The following KIF13A variants were observed in gnomAD, a reference collection of about 807,000 sequenced individuals.
KIF13A encodes kinesin-like protein KIF13A.
A neutral mutation model predicts 212.2 loss-of-function variants in KIF13A; 79 were observed. The ratio of observed to expected loss-of-function variants is 0.37; its 90% CI spans 0.31 to 0.45. The LOEUF (loss-of-function observed/expected upper bound fraction) is 0.45, where lower values mean the gene tolerates loss of function less well. KIF13A is among the 20% of genes least tolerant of loss of function. The pLI, the probability that KIF13A is intolerant of heterozygous loss-of-function variation, is 1.00. For missense variants in KIF13A, 1,901 were observed against 2,209.0 expected (o/e 0.86, Z 2.79); for synonymous variants, 789 against 808.6 (o/e 0.98, Z 0.41).
At chr6:17,937,769 A>T (rs1406341295) in intron 2 of KIF13A, among the ~76,000 whole-genome samples, 1 of 136,116 alleles carries the variant, frequency 7.3e-6, no homozygotes, top group Non-Finnish European at 1.6e-5. Context: ...TGTTTTTTTG[A>T]GACGGAGTCT....
In KIF13A at chr6:17,947,063, A is replaced by T. The variant is rs1483404397; in HGVS notation, c.146+39991T>A. Among the ~76,000 whole-genome samples the T allele has an allele frequency of 6.6e-6, 1 of 152,236 alleles. No individual in the cohort carries two copies. The highest frequency in any genetic ancestry group is 2.4e-5 in the African/African-American group (1 of 41,472). On this transcript the variant is annotated intron_variant, in intron 2 of 38. Transcript: ENST00000259711. This position sits in a 1 kb window ranked among gnomAD's most constrained non-coding sequence, Gnocchi z 4.6. ...CAGATGAGCAAATAAAGTGTGACGA[A>T]AAGTTCAAAAAGTAGCATTCCATTT... is the stretch of plus-strand genomic sequence containing the variant.
At chr6:17,876,317 G>A (rs1770554179) in intron 3 of KIF13A, among the ~76,000 whole-genome samples, 1 of 152,026 alleles carries the variant, frequency 6.6e-6, no homozygotes. Flanking sequence ...GCCACAATAG[G>A]CCCTCCCAGC....
intron 17 of KIF13A, among the ~76,000 whole-genome samples, chr6:17,813,155 G>C (rs908037471): frequency 1.3e-5 from 2 of 152,122 alleles, no homozygotes; most frequent in African/African-American, 4.8e-5. Flanking sequence ...GATAACTTTT[G>C]TCTGTTTCTT....
chr6:17,884,190 C>T (rs1054745773), intron 3 of KIF13A, among the ~76,000 whole-genome samples: 2 of 152,196 alleles, frequency 1.3e-5, no homozygotes, highest in Non-Finnish European at 2.9e-5. Flanking sequence ...CCCTCTCTAA[C>T]ACACACTCAT....
chr6:17,794,385 C>T lies in KIF13A; in HGVS notation c.3086G>A (p.Arg1029His), dbSNP rs1039150543. The T allele has an allele frequency of 1.7e-5, 28 of 1,612,558 alleles. No homozygotes were observed. Among genetic ancestry groups the T allele is most frequent in the East Asian group, 2.2e-5 (1 of 44,840 alleles). ...AGGTTTCACCGTGACTTGTACTCTA[C>T]GGGAATGACCCTGAAGAGGGTGGGG... is the stretch of plus-strand genomic sequence containing the variant. ...GIFQLRQGHS[R>H]RVQVTVKPVQ... Residue 1029 changes from arginine to histidine, a missense_variant, in exon 25 of 39, where the codon CGT becomes CAT. Coordinates refer to ENST00000259711, the MANE Select transcript of KIF13A (RefSeq NM_022113.6). This position sits in a 1 kb window ranked among gnomAD's most constrained non-coding sequence, Gnocchi z 4.1.
intron 2 of KIF13A, among the ~76,000 whole-genome samples, chr6:17,929,559 C>T (rs1017379396): frequency 3.9e-5 from 6 of 152,118 alleles, no homozygotes; most frequent in Admixed American, 1.3e-4. Flanking sequence ...CGCCACCATG[C>T]CCGGCTAATT....
chr6:17,887,893 A>T (rs1171680259), intron 3 of KIF13A, among the ~76,000 whole-genome samples: 1 of 145,244 alleles, frequency 6.9e-6, no homozygotes, highest in Admixed American at 6.9e-5. Flanking sequence ...TTTAGTAGAG[A>T]TGGGGTTTTG....
At chr6:17,956,095 C>G (rs1014397615) in intron 2 of KIF13A, among the ~76,000 whole-genome samples, 4 of 152,158 alleles carry the variant, frequency 2.6e-5, no homozygotes, top group African/African-American at 9.7e-5. Flanking sequence ...CAGTGCCAGG[C>G]TCCGTTCTAA....
intron 4 of KIF13A, among the ~76,000 whole-genome samples, chr6:17,859,416 A>G (rs1045790620): frequency 6.6e-6 from 1 of 151,668 alleles, no homozygotes; most frequent in African/African-American, 2.4e-5. Context: ...CAGCCTGGCC[A>G]ACAAAGTGAG....
At chr6:17,782,632 C>CACAAAACAAA (rs1298463238) in intron 29 of KIF13A, among the ~76,000 whole-genome samples, 20 of 105,198 alleles carry the variant, frequency 1.9e-4, no homozygotes, top group South Asian at 1.5e-3. Context: ...GAGACTCTGT[C>CACAAAACAAA]TCAAAACAAA....
intron 12 of KIF13A, among the ~76,000 whole-genome samples, 185 bp downstream of exon 12, chr6:17,833,776 A>C (rs565678835): frequency 7.0e-5 from 10 of 142,792 alleles, no homozygotes; most frequent in Non-Finnish European, 1.4e-4. Context: ...GAACTGCTTG[A>C]GCCCGGGAGG....
rs757030117 is a variant in KIF13A at position 17,819,030 on chromosome 6, C to T, written c.1787-1797G>A. ...TTTTTTTTTTTTTGAGACGGAGTTT[C>T]GCTCTGTTGCCCGGGCTGGAGTGCA... On this transcript the variant is annotated intron_variant, in intron 16 of 38. Transcript: ENST00000259711. Among the ~76,000 whole-genome samples the T allele has an allele frequency of 1.0e-3, 124 of 124,134 alleles. 1 individual carries two copies. Among genetic ancestry groups the T allele is most frequent in the Non-Finnish European group, 1.1e-3 (69 of 61,940 alleles). The allele number at this position is 124,134 out of a possible 152,430, so 81.4% of individuals were successfully genotyped here. A position where few individuals can be genotyped will look rare whatever the true frequency, so the allele number is the denominator to read the frequency against.
At chr6:17,770,361 A>ATTTTTTTTTTTTTTTTTT (rs200616640) in intron 38 of KIF13A, 17 of 119,444 alleles carry the variant, frequency 1.4e-4, no homozygotes, top group Admixed American at 1.9e-4. Flanking sequence ...AATAAACAGG[A>ATTTTTTTTTTTTTTTTTT]TTTTTTTTTT....
chr6:17,776,081 T>C lies in KIF13A; in HGVS notation c.4171-1019A>G, dbSNP rs1303585893. ...TTAGTAGAGACCGGGTTTCTCCATGTTGGTCAGGCTGGTCTTGAACTCCCA... is the reference window on the plus strand; with the variant it reads ...TTAGTAGAGACCGGGTTTCTCCATGCTGGTCAGGCTGGTCTTGAACTCCCA... On this transcript the variant is annotated intron_variant, in intron 34 of 38. Transcript: ENST00000259711. This position sits in a 1 kb window ranked among gnomAD's most constrained non-coding sequence, Gnocchi z 4.6. Among the ~76,000 whole-genome samples the C allele has an allele frequency of 6.6e-6, 1 of 152,162 alleles. No homozygotes were observed. The highest frequency in any genetic ancestry group is 1.5e-5 in the Non-Finnish European group (1 of 68,032).
At chr6:17,859,356 A>C (rs1768472149) in intron 4 of KIF13A, among the ~76,000 whole-genome samples, 1 of 151,686 alleles carries the variant, frequency 6.6e-6, no homozygotes, top group Non-Finnish European at 1.5e-5. Context: ...TAATCTCAGC[A>C]CTCTGGGAGG....
At chr6:17,820,374 C>T (rs1252563794) in intron 16 of KIF13A, among the ~76,000 whole-genome samples, 3 of 152,160 alleles carry the variant, frequency 2.0e-5, no homozygotes, top group South Asian at 2.1e-4. Context: ...GGTTTTGTTT[C>T]GCCTCTGATC....
rs995172454 is a variant in KIF13A, at chr6:17,825,654, T to C, written c.1786+114A>G. 9 of 949,318 alleles carry C rather than the reference T, an allele frequency of 9.5e-6. No homozygotes were observed. Among genetic ancestry groups the C allele is most frequent in the Non-Finnish European group, 1.4e-5 (9 of 628,384 alleles). The allele number at this position is 949,318 out of a possible 1,614,324, so 58.8% of individuals were successfully genotyped here. A position where few individuals can be genotyped will look rare whatever the true frequency, so the allele number is the denominator to read the frequency against. ...TGGCCTTTTAAAGAAATGAGCAGTT[T>C]TATGTGTTTAAAATGTGGAATGCGG... On this transcript the variant is annotated intron_variant, in intron 16 of 38. Coordinates refer to ENST00000259711, the MANE Select transcript of KIF13A (RefSeq NM_022113.6). This position sits in a 1 kb window ranked among gnomAD's most constrained non-coding sequence, Gnocchi z 4.5.
At chr6:17,873,462 A>T in intron 3 of KIF13A, 25 bp from the exon 4 acceptor site, 4 of 1,471,822 alleles carry the variant, frequency 2.7e-6, no homozygotes, top group South Asian at 1.2e-5. Flanking sequence ...AAAATATTAA[A>T]CTTAAAGATT....
intron 2 of KIF13A, among the ~76,000 whole-genome samples, chr6:17,924,627 T>C (rs983499458): frequency 1.4e-4 from 21 of 152,172 alleles, no homozygotes; most frequent in African/African-American, 5.1e-4. Context: ...CTAAATATTC[T>C]TTTTTTGCCC....
Sources: allele counts gnomAD v4.1 joint callset (sites outside exome capture counted in the v4.1 genomes callset), GRCh38; gene constraint gnomAD v4.1.1; non-coding constraint Gnocchi (gnomAD v3.1); transcripts MANE v1.5; gene names NCBI Gene and HGNC (gene_info 2026-07-23, HGNC 2026-07-21).